ZEB2: variants seen among roughly 807,000 people sequenced by gnomAD.
ZEB2 encodes the protein zinc finger E-box binding homeobox 2.
A neutral mutation model predicts 99.9 loss-of-function variants in ZEB2; 6 were observed. The observed-to-expected ratio is 0.06, with a 90% CI of 0.03 to 0.12. ZEB2 has a LOEUF of 0.12. Ranked by LOEUF, ZEB2 falls within the 10% of genes least tolerant of loss-of-function variation. The pLI, the probability that ZEB2 is intolerant of heterozygous loss-of-function variation, is 1.00. For synonymous variants in ZEB2, 517 were observed against 542.5 expected, an observed-to-expected ratio of 0.95 and a Z score of 0.65; for missense variants, 969 against 1,502.8, an observed-to-expected ratio of 0.64 and a Z score of 5.87.
At chr2:144,497,909 AT>A (rs1263224231) in intron 2 of ZEB2, 21 of 22,306 alleles carry the variant, frequency 9.4e-4, no homozygotes, top group African/African-American at 4.0e-3. Flanking sequence ...TTCTCAACAT[AT>A]ATATTATATA....
At chr2:144,425,311 T>C (rs1458316693) in intron 3 of ZEB2, among the ~76,000 whole-genome samples, 1 of 152,226 alleles carries the variant, frequency 6.6e-6, no homozygotes, top group East Asian at 1.9e-4. Flanking sequence ...TTGGGGTGGC[T>C]ATAATGGTGC....
chr2:144,421,009 G>A (rs1467496439), intron 4 of ZEB2, among the ~76,000 whole-genome samples: 1 of 152,130 alleles, frequency 6.6e-6, no homozygotes, highest in East Asian at 1.9e-4. Flanking sequence ...GAGGACATGA[G>A]GGACAGAGAA....
chr2:144,483,264 G>A (rs1573789659), intron 2 of ZEB2, among the ~76,000 whole-genome samples: 2 of 151,922 alleles, frequency 1.3e-5, no homozygotes, highest in African/African-American at 4.8e-5. Flanking sequence ...CATTAAGCAA[G>A]TAATAGGTCA....
chr2:144,454,945 CA>C (rs1378400198), intron 2 of ZEB2: 2 of 152,106 alleles, frequency 1.3e-5, no homozygotes. Flanking sequence ...TTCAATTAAC[CA>C]AAAGCACAAT....
chr2:144,405,117 T>A, intron 4 of ZEB2, 93 bp from the exon 5 acceptor site: 1 of 1,331,890 alleles, frequency 7.5e-7, no homozygotes. Context: ...AAATGCTGAC[T>A]TGCAATAGAC....
intron 9 of ZEB2, among the ~76,000 whole-genome samples, chr2:144,394,149 G>A (rs981246361): frequency 5.3e-5 from 8 of 152,126 alleles, no homozygotes; most frequent in African/African-American, 1.2e-4. Flanking sequence ...TTGAACTCCC[G>A]CTCTCAGGTG....
chr2:144,417,152 C>T (rs1218013917), intron 4 of ZEB2, among the ~76,000 whole-genome samples: 1 of 152,100 alleles, frequency 6.6e-6, no homozygotes, highest in Non-Finnish European at 1.5e-5. Flanking sequence ...AGTAGGGTCC[C>T]AATAAGTGAC....
At chr2:144,394,132 G>A (rs181893333) in intron 9 of ZEB2, among the ~76,000 whole-genome samples, 7 of 152,212 alleles carry the variant, frequency 4.6e-5, no homozygotes, top group African/African-American at 1.7e-4. Context: ...TGTTGGTCAG[G>A]CTGGTCTTGA....
chr2:144,448,657 G>T (rs1270545197), intron 2 of ZEB2: 4 of 152,332 alleles, frequency 2.6e-5, no homozygotes, highest in African/African-American at 9.6e-5. Flanking sequence ...AAAATCTGGA[G>T]AGGGGGCGTG....
intron 3 of ZEB2, among the ~76,000 whole-genome samples, chr2:144,426,048 T>G (rs996206874): frequency 3.9e-5 from 6 of 152,146 alleles, no homozygotes; most frequent in African/African-American, 1.4e-4. Flanking sequence ...GAATCAGAAC[T>G]GAAAAATCAT....
At chr2:144,486,418 C>T (rs2149916929) in intron 2 of ZEB2, among the ~76,000 whole-genome samples, 3 of 150,174 alleles carry the variant, frequency 2.0e-5, no homozygotes, top group Admixed American at 2.0e-4. Context: ...ACTGTATTTT[C>T]ATAAAATAAA....
chr2:144,513,004 A>G, intron 2 of ZEB2: 1 of 1,287,246 alleles, frequency 7.8e-7, no homozygotes, highest in Non-Finnish European at 1.0e-6. Flanking sequence ...AAGATAACCA[A>G]GTCTGGACTG....
rs1480636573 is a variant in ZEB2, at chr2:144,389,642, C to T, written c.3454G>A (p.Gly1152Ser). 6.2e-7 allele frequency: 1 copy of T among 1,613,950 alleles called. No homozygotes were observed. Among genetic ancestry groups the T allele is most frequent in the African/African-American group, 1.3e-5 (1 of 74,876 alleles). ...KEGEDGYGKLGRQDGDEEFEE... is the reference protein window; with the variant it reads ...KEGEDGYGKLSRQDGDEEFEE... Reference sequence around the variant, plus strand: ...AACTCCTCGTCGCCATCCTGTCTGCCCAGCTTCCCGTAGCCATCCTCGCCT... The same window carrying T: ...AACTCCTCGTCGCCATCCTGTCTGCTCAGCTTCCCGTAGCCATCCTCGCCT... The change falls in exon 10 of 10, where the codon GGC becomes AGC. Residue 1152 changes from glycine (G) to serine (S), a missense_variant. By Grantham distance (56) the Gly-to-Ser change is moderately conservative. This residue lies in a region of ZEB2 where 121 missense variants were observed against 166.4 expected (regional missense o/e 0.73). Transcript: ENST00000627532. The surrounding 1 kb of genome is among the most constrained non-coding windows in gnomAD (Gnocchi z 6.8).
At chr2:144,457,229 A>G (rs1427442580) in intron 2 of ZEB2, among the ~76,000 whole-genome samples, 6 of 152,136 alleles carry the variant, frequency 3.9e-5, no homozygotes, top group Admixed American at 3.3e-4. Context: ...ACATTTTTCC[A>G]CTTGCTCCTC....
chr2:144,391,795 C>T (rs1703157832), intron 9 of ZEB2, among the ~76,000 whole-genome samples: 1 of 152,184 alleles, frequency 6.6e-6, no homozygotes, highest in Non-Finnish European at 1.5e-5. Context: ...CGCAGCAATT[C>T]ATCCATAGGG....
chr2:144,443,580 T>G (rs779582641), intron 2 of ZEB2, among the ~76,000 whole-genome samples: 2 of 152,252 alleles, frequency 1.3e-5, no homozygotes, highest in African/African-American at 2.4e-5. Flanking sequence ...AATTATGGAC[T>G]GTAACAAAGT....
At chr2:144,438,930 T>C (rs1433046153) in intron 2 of ZEB2, among the ~76,000 whole-genome samples, 6 of 151,914 alleles carry the variant, frequency 3.9e-5, no homozygotes, top group African/African-American at 2.4e-5. Flanking sequence ...AAAGGGACAG[T>C]GACATGGCAG....
intron 3 of ZEB2, 133 bp downstream of exon 3, chr2:144,429,636 A>G (rs1703740167): frequency 1.4e-6 from 2 of 1,383,742 alleles, no homozygotes; most frequent in Non-Finnish European, 2.0e-6. Context: ...CAGCTTTGGT[A>G]TCTCTATTCT....
chr2:144,513,424 A>C, intron 2 of ZEB2: 2 of 1,404,666 alleles, frequency 1.4e-6, no homozygotes, highest in Middle Eastern at 2.7e-4. Context: ...CTTTAGTGGA[A>C]ACTCTGGAGA....
Sources: gnomAD v4.1 joint callset for allele counts (sites outside exome capture counted in the v4.1 genomes callset) on GRCh38, gnomAD v4.1.1 for gene constraint, gnomAD v4.1.1 regional missense constraint, Gnocchi (gnomAD v3.1) non-coding constraint, MANE v1.5 for transcripts, NCBI Gene and HGNC (gene_info 2026-07-23, HGNC 2026-07-21) for gene names.